Variants in RIPOR2 observed in about 807,000 individuals in gnomAD.
RIPOR2 encodes rho family-interacting cell polarization regulator 2.
In RIPOR2, 39 loss-of-function variants were observed where a neutral mutation model predicts 114.5. The ratio of observed to expected loss-of-function variants is 0.34; its 90% confidence interval spans 0.26 to 0.44. The LOEUF (loss-of-function observed/expected upper bound fraction) is 0.44. Ranked by LOEUF, RIPOR2 falls within the 20% of genes least tolerant of loss-of-function variation. The pLI, the probability that RIPOR2 is intolerant of heterozygous loss-of-function variation, is 1.00. For synonymous variants in RIPOR2, 445 were observed against 484.4 expected, an observed-to-expected ratio of 0.92 and a Z score of 1.07; for missense variants, 1,007 against 1,255.1, an observed-to-expected ratio of 0.80 and a Z score of 2.99.
chr6:24,875,612 G>A, intron 2 of RIPOR2, 79 bp downstream of exon 2: 2 of 1,409,882 alleles, frequency 1.4e-6, no homozygotes, highest in Non-Finnish European at 9.7e-7. Context: ...AAGGCTGAAT[G>A]CACACAGACC....
intron 1 of RIPOR2, among the ~76,000 whole-genome samples, chr6:24,958,744 T>C (rs1773158284): frequency 6.6e-6 from 1 of 152,066 alleles, no homozygotes; most frequent in Non-Finnish European, 1.5e-5. Context: ...TGTAACAAAG[T>C]ACCACAAACT....
At chr6:24,911,706 C>CA (rs1331081529) in intron 1 of RIPOR2, among the ~76,000 whole-genome samples, 1 of 151,912 alleles carries the variant, frequency 6.6e-6, no homozygotes. Context: ...CAGACATTCC[C>CA]AAAAAAGGGC....
At chr6:25,034,980 G>A (rs1777171235) in intron 1 of RIPOR2, among the ~76,000 whole-genome samples, 1 of 152,156 alleles carries the variant, frequency 6.6e-6, no homozygotes, top group Admixed American at 6.5e-5. Context: ...GAAGGAAGAG[G>A]GTAAGCCTTC....
intron 14 of RIPOR2, among the ~76,000 whole-genome samples, chr6:24,838,872 T>C (rs923020326): frequency 6.6e-6 from 1 of 152,136 alleles, no homozygotes; most frequent in Non-Finnish European, 1.5e-5. Flanking sequence ...AGAGGAAATA[T>C]AAAGATATTT....
At chr6:24,840,475 A>C (rs1197288819) in intron 13 of RIPOR2, 5 of 1,355,812 alleles carry the variant, frequency 3.7e-6, no homozygotes, top group Non-Finnish European at 4.8e-6. Context: ...CTATGGGCAC[A>C]GAGTTGGAGA....
chr6:24,964,197 C>G (rs981486376), intron 1 of RIPOR2, among the ~76,000 whole-genome samples: 3 of 146,172 alleles, frequency 2.1e-5, no homozygotes, highest in African/African-American at 7.8e-5. Flanking sequence ...GCCATTTCAC[C>G]AGATGCGTAG....
At chr6:24,935,380 CAG>C (rs528051546) in intron 1 of RIPOR2, among the ~76,000 whole-genome samples, 17 of 116,330 alleles carry the variant, frequency 1.5e-4, no homozygotes, top group Admixed American at 4.9e-4. Flanking sequence ...GAGAGAGAGA[CAG>C]AGAGAGAGAG....
At chr6:24,857,540 C>T (rs1763597230) in intron 8 of RIPOR2, among the ~76,000 whole-genome samples, 1 of 152,154 alleles carries the variant, frequency 6.6e-6, no homozygotes, top group Non-Finnish European at 1.5e-5. Context: ...CAGAAGAACG[C>T]TCTACATCAT....
chr6:24,891,855 A>AT (rs1767394302), intron 1 of RIPOR2, among the ~76,000 whole-genome samples: 1 of 151,928 alleles, frequency 6.6e-6, no homozygotes, highest in Admixed American at 6.6e-5. Flanking sequence ...ATCCATTCTT[A>AT]TTTATTTTAT....
intron 13 of RIPOR2, chr6:24,839,677 T>C: frequency 6.6e-7 from 1 of 1,524,330 alleles, no homozygotes; most frequent in Non-Finnish European, 8.8e-7. Flanking sequence ...CCACAAAGCC[T>C]TGGGAAACAG....
intron 1 of RIPOR2, among the ~76,000 whole-genome samples, chr6:25,022,171 A>G (rs1331355989): frequency 1.3e-5 from 2 of 152,198 alleles, no homozygotes; most frequent in Non-Finnish European, 2.9e-5. Flanking sequence ...AACCACCACC[A>G]CAATCAAGAT....
At chr6:24,993,375 T>G (rs1269624403) in intron 1 of RIPOR2, among the ~76,000 whole-genome samples, 1 of 152,246 alleles carries the variant, frequency 6.6e-6, no homozygotes, top group African/African-American at 2.4e-5. Context: ...GTTTGAAATA[T>G]GTTTTGTCTG....
intron 1 of RIPOR2, among the ~76,000 whole-genome samples, chr6:24,942,014 A>G (rs1000659431): frequency 2.6e-5 from 4 of 152,318 alleles, no homozygotes; most frequent in African/African-American, 9.6e-5. Flanking sequence ...ATGTGACCCC[A>G]GACCCAAGAC....
intron 1 of RIPOR2, among the ~76,000 whole-genome samples, chr6:24,966,172 T>C (rs1773518458): frequency 6.6e-6 from 1 of 152,232 alleles, no homozygotes; most frequent in Non-Finnish European, 1.5e-5. Flanking sequence ...GCTTCCCATC[T>C]GAGCCTGTCC....
Position 24,829,107 on chromosome 6 carries a change from A to G in RIPOR2, c.2507-812T>C, listed in dbSNP as rs1760444419. On this transcript the variant is annotated intron_variant, in intron 17 of 21. Coordinates refer to ENST00000643898, the MANE Select transcript of RIPOR2 (RefSeq NM_001286445.3). ...GGCAGGTGAATCACCTGAGGTCAGG[A>G]GTTCAAGACCAGCCTGGCAACATGG... Among the ~76,000 whole-genome samples, 4 of 152,020 alleles carry G rather than the reference A, an allele frequency of 2.6e-5. No homozygotes were observed. The South Asian group carries it at 8.3e-4, about 32-fold the overall frequency.
chr6:24,824,849 T>C (rs923031164), intron 19 of RIPOR2, among the ~76,000 whole-genome samples: 1 of 152,192 alleles, frequency 6.6e-6, no homozygotes, highest in Non-Finnish European at 1.5e-5. Context: ...TATTCATACA[T>C]GGACATGCCA....
intron 13 of RIPOR2, 118 bp downstream of exon 13, chr6:24,842,744 C>A (rs1017803517): frequency 6.3e-6 from 3 of 472,956 alleles, no homozygotes; most frequent in Non-Finnish European, 1.1e-5. Flanking sequence ...TGATGATGAG[C>A]TATTAATCCT....
intron 1 of RIPOR2, among the ~76,000 whole-genome samples, chr6:25,027,792 G>A (rs917507193): frequency 1.4e-4 from 21 of 152,308 alleles, no homozygotes; most frequent in African/African-American, 4.3e-4. Context: ...TTGGTAAACC[G>A]ACTGAACAAG....
At chr6:24,835,948 G>A (rs571104017) in intron 14 of RIPOR2, 77 bp from the exon 15 acceptor site, 33 of 1,401,510 alleles carry the variant, frequency 2.4e-5, no homozygotes, top group South Asian at 1.9e-4. Context: ...GGTTTGCATC[G>A]GGCCCCAACA....
Sources: gnomAD v4.1 joint callset for allele counts (sites outside exome capture counted in the v4.1 genomes callset) on GRCh38, gnomAD v4.1.1 for gene constraint, MANE v1.5 for transcripts, NCBI Gene and HGNC (gene_info 2026-07-23, HGNC 2026-07-21) for gene names.